CNTNAP2: variants seen among roughly 807,000 people sequenced by gnomAD.
The protein encoded by CNTNAP2 is contactin associated protein 2, also known as contactin-associated protein-like 2.
CNTNAP2 carries 98 observed loss-of-function variants against 155.2 expected under a neutral mutation model. The ratio of observed to expected loss-of-function variants is 0.63; its 90% confidence interval spans 0.54 to 0.75. The LOEUF (loss-of-function observed/expected upper bound fraction) is 0.75. CNTNAP2 is among the 30% of genes least tolerant of loss of function. The pLI is 0.00. For synonymous variants in CNTNAP2, 651 were observed against 631.2 expected, an observed-to-expected ratio of 1.03 and a Z score of -0.47; for missense variants, 1,727 against 1,688.1, an observed-to-expected ratio of 1.02 and a Z score of -0.40.
chr7:148,260,211 A>G (rs1201539593), intron 20 of CNTNAP2, among the ~76,000 whole-genome samples: 1 of 152,168 alleles, frequency 6.6e-6, no homozygotes. Context: ...AAATGTAAAT[A>G]TTTAAAATGT....
intron 1 of CNTNAP2, among the ~76,000 whole-genome samples, chr7:146,740,247 G>T (rs1801689454): frequency 7.0e-6 from 1 of 143,168 alleles, no homozygotes; most frequent in Admixed American, 6.9e-5. Context: ...GCTCTCTATT[G>T]TATTGTTTGT....
At chr7:146,280,153 T>A (rs73459919) in intron 1 of CNTNAP2, among the ~76,000 whole-genome samples, 3,524 of 152,222 alleles carry the variant, frequency 0.023, 147 homozygotes, top group African/African-American at 0.081. Context: ...AAGCAGTTGC[T>A]TTTATCAGAA....
chr7:148,179,653 AAGAG>A (rs1029104179), intron 18 of CNTNAP2, among the ~76,000 whole-genome samples: 7 of 149,984 alleles, frequency 4.7e-5, no homozygotes, highest in Non-Finnish European at 8.9e-5. Context: ...AAGAGTGAGA[AAGAG>A]AGAGAACAAG....
At chr7:147,446,421 T>G (rs140558960) in intron 10 of CNTNAP2, among the ~76,000 whole-genome samples, 76 of 152,346 alleles carry the variant, frequency 5.0e-4, no homozygotes, top group Middle Eastern at 6.8e-3. Flanking sequence ...GTTGCTGGTT[T>G]GAAACAATAT....
intron 15 of CNTNAP2, among the ~76,000 whole-genome samples, chr7:148,067,230 C>G (rs1803285073): frequency 6.6e-6 from 1 of 152,102 alleles, no homozygotes; most frequent in Admixed American, 6.5e-5. Flanking sequence ...TTGGGTAGAC[C>G]ATTTCAGAGG....
intron 15 of CNTNAP2, among the ~76,000 whole-genome samples, chr7:148,035,121 A>C (rs978213691): frequency 2.8e-4 from 42 of 152,212 alleles, no homozygotes; most frequent in Admixed American, 2.7e-3. Context: ...GAAATGATTT[A>C]AAGACAGAAC....
At chr7:148,267,219 T>G in intron 21 of CNTNAP2, 93 bp downstream of exon 21, 1 of 1,100,234 alleles carries the variant, frequency 9.1e-7, no homozygotes, top group South Asian at 1.2e-5. Flanking sequence ...AAATTTCTCT[T>G]ACTGGGGCCA....
chr7:147,636,509 G>A (rs1031881054), intron 12 of CNTNAP2, among the ~76,000 whole-genome samples: 2 of 152,102 alleles, frequency 1.3e-5, no homozygotes, highest in African/African-American at 2.4e-5. Context: ...ATGTGCCATG[G>A]TGGTTTGCCG....
chr7:148,385,743 T>C (rs1354503528), intron 22 of CNTNAP2, among the ~76,000 whole-genome samples: 2 of 67,248 alleles, frequency 3.0e-5, no homozygotes, highest in African/African-American at 9.9e-5. Context: ...CAGGTTTTTT[T>C]TTTTTTTTTT....
chr7:146,603,369 G>A (rs1285130354), intron 1 of CNTNAP2, among the ~76,000 whole-genome samples: 4 of 150,248 alleles, frequency 2.7e-5, no homozygotes, highest in East Asian at 3.9e-4. Flanking sequence ...CCGAGACCGC[G>A]CCACTGCACT....
chr7:147,673,963 CAT>C (rs762479972), intron 13 of CNTNAP2, among the ~76,000 whole-genome samples: 11 of 152,044 alleles, frequency 7.2e-5, no homozygotes, highest in Non-Finnish European at 1.2e-4. Context: ...AATAATAAAA[CAT>C]GTGCCAAATA....
intron 13 of CNTNAP2, among the ~76,000 whole-genome samples, chr7:147,689,838 C>G (rs139490401): frequency 0.016 from 2,502 of 152,202 alleles, 221 homozygotes; most frequent in Admixed American, 0.15. Flanking sequence ...TTTCAAATTG[C>G]AGGAGACAGT....
At chr7:147,882,309 T>C (rs1188787851) in intron 13 of CNTNAP2, among the ~76,000 whole-genome samples, 1 of 152,164 alleles carries the variant, frequency 6.6e-6, no homozygotes, top group Admixed American at 6.5e-5. Flanking sequence ...ATTTCAGTGA[T>C]CACCTCACTC....
chr7:147,849,362 T>A (rs1563110149), intron 13 of CNTNAP2, among the ~76,000 whole-genome samples: 1 of 152,208 alleles, frequency 6.6e-6, no homozygotes, highest in East Asian at 1.9e-4. Context: ...ATTAATCATC[T>A]TTGAGATAAC....
In CNTNAP2 at chr7:146,676,418, CA is replaced by C. The variant is rs1345742047; in HGVS notation, c.98-97851del. 1.6e-4 allele frequency among the ~76,000 whole-genome samples: 24 copies of C among 149,790 alleles called. No individual in the cohort carries two copies. In the Admixed American group the frequency reaches 1.6e-3, roughly 10 times the overall value. On this transcript the variant is annotated intron_variant, in intron 1 of 23. Transcript: ENST00000361727. ...TTCAAGTTTTCCTAAATGTACACTCCAATTTGTGGCAGCTACAAGTGTTTGT... is the reference window on the plus strand; with the variant it reads ...TTCAAGTTTTCCTAAATGTACACTCCATTTGTGGCAGCTACAAGTGTTTGT...
At chr7:147,850,817 C>T (rs1266591359) in intron 13 of CNTNAP2, among the ~76,000 whole-genome samples, 3 of 152,156 alleles carry the variant, frequency 2.0e-5, no homozygotes. Flanking sequence ...ACCATAAAAA[C>T]TCTAGAAGAA....
chr7:147,716,784 C>T (rs1424157030), intron 13 of CNTNAP2, among the ~76,000 whole-genome samples: 1 of 152,144 alleles, frequency 6.6e-6, no homozygotes, highest in Non-Finnish European at 1.5e-5. Context: ...CTCTGTTGCC[C>T]TCACTATCTG....
intron 1 of CNTNAP2, among the ~76,000 whole-genome samples, chr7:146,647,201 A>G (rs1799827511): frequency 6.6e-6 from 1 of 152,122 alleles, no homozygotes; most frequent in East Asian, 1.9e-4. Context: ...TCTCAGTCCA[A>G]ATTGGCTCCC....
intron 10 of CNTNAP2, among the ~76,000 whole-genome samples, chr7:147,399,988 T>C (rs567289138): frequency 2.0e-5 from 3 of 152,262 alleles, no homozygotes; most frequent in Admixed American, 6.5e-5. Flanking sequence ...AGAGATAACA[T>C]TTTTGTTTCT....
Sources: gnomAD v4.1 joint callset for allele counts (sites outside exome capture counted in the v4.1 genomes callset) on GRCh38, gnomAD v4.1.1 for gene constraint, MANE v1.5 for transcripts, NCBI Gene and HGNC (gene_info 2026-07-23, HGNC 2026-07-21) for gene names.